The following GABPB1 variants were observed in gnomAD, a reference collection of about 807,000 sequenced individuals.
GABPB1 encodes the protein GA binding protein transcription factor subunit beta 1.
In GABPB1, 15 loss-of-function variants were observed where a neutral mutation model predicts 45.9. That is an observed-to-expected ratio of 0.33 (90% confidence interval 0.22 to 0.50). The LOEUF (loss-of-function observed/expected upper bound fraction) is 0.50. Among genes scored for constraint, GABPB1 ranks in the 20% least tolerant of loss-of-function variants. GABPB1 has a pLI of 0.98. For synonymous variants in GABPB1, 143 were observed against 154.4 expected, an observed-to-expected ratio of 0.93 and a Z score of 0.55; for missense variants, 252 against 457.5, an observed-to-expected ratio of 0.55 and a Z score of 4.10.
chr15:50,319,820 A>G lies in GABPB1; in HGVS notation c.1-10022T>C, dbSNP rs1595797436. On this transcript the variant is annotated intron_variant, in intron 1 of 8. Coordinates refer to ENST00000380877, the MANE Select transcript of GABPB1 (RefSeq NM_016654.5). Reference sequence around the variant, plus strand: ...ACCACTGCACTCCAGCCCAGGCGACAGAGTGAGACTCCGTCTCAAAAATAA... The same window carrying G: ...ACCACTGCACTCCAGCCCAGGCGACGGAGTGAGACTCCGTCTCAAAAATAA... 2.0e-5 allele frequency among the ~76,000 whole-genome samples: 3 copies of G among 152,018 alleles called. No individual in the cohort carries two copies. The South Asian group carries it at 6.3e-4, about 32-fold the overall frequency.
chr15:50,350,831 C>G (rs943663862), intron 1 of GABPB1: 3 of 152,144 alleles, frequency 2.0e-5, no homozygotes, highest in African/African-American at 7.2e-5. Context: ...AAACTTCCAC[C>G]CACTGACCCT....
intron 1 of GABPB1, among the ~76,000 whole-genome samples, chr15:50,337,540 G>T (rs2048193611): frequency 6.6e-6 from 1 of 152,040 alleles, no homozygotes; most frequent in Non-Finnish European, 1.5e-5. Flanking sequence ...GAGGCAAGCA[G>T]ATCACTTGAG....
intron 1 of GABPB1, among the ~76,000 whole-genome samples, chr15:50,340,236 C>T (rs891177664): frequency 1.1e-4 from 16 of 152,262 alleles, no homozygotes; most frequent in Admixed American, 2.6e-4. Flanking sequence ...AACTTCCCAG[C>T]GTCCAGAACT....
In GABPB1 at chr15:50,278,804, T is replaced by TG. The variant is rs1413960506; in HGVS notation, c.1000-21_1000-20insC. 1.9e-6 allele frequency: 3 copies of TG among 1,564,536 alleles called. No individual in the cohort carries two copies. The South Asian group carries it at 3.6e-5, about 19-fold the overall frequency. ...TCTCTCCTAATTAAAAGAAGAGGGTTTTTTTTTTAATTTTTGCAAAAATAC... is the reference window on the plus strand; with the variant it reads ...TCTCTCCTAATTAAAAGAAGAGGGTTGTTTTTTTTAATTTTTGCAAAAATAC... On this transcript the variant is annotated intron_variant, in intron 8 of 8. Transcript: ENST00000380877.
intron 1 of GABPB1, among the ~76,000 whole-genome samples, chr15:50,314,995 T>C (rs1453125510): frequency 6.6e-6 from 1 of 152,230 alleles, no homozygotes; most frequent in Non-Finnish European, 1.5e-5. Flanking sequence ...CACTGTGACA[T>C]CTAATGTAGT....
intron 7 of GABPB1, among the ~76,000 whole-genome samples, chr15:50,287,555 T>A (rs2046206961): frequency 6.6e-6 from 1 of 152,176 alleles, no homozygotes; most frequent in Non-Finnish European, 1.5e-5. Context: ...GTAGACCATG[T>A]GAGGACAGGC....
chr15:50,305,279 T>C (rs1319920243), intron 2 of GABPB1, among the ~76,000 whole-genome samples: 4 of 113,106 alleles, frequency 3.5e-5, no homozygotes, highest in Non-Finnish European at 6.6e-5. Context: ...TAGTCCTATC[T>C]CTCTATCTAT....
At chr15:50,339,818 T>G (rs545896377) in intron 1 of GABPB1, among the ~76,000 whole-genome samples, 5 of 152,336 alleles carry the variant, frequency 3.3e-5, no homozygotes, top group African/African-American at 1.2e-4. Flanking sequence ...ATTTGTCAGT[T>G]AGCATGTCCA....
intron 2 of GABPB1, among the ~76,000 whole-genome samples, chr15:50,305,205 T>G (rs1052849270): frequency 1.3e-5 from 2 of 152,174 alleles, no homozygotes; most frequent in Non-Finnish European, 2.9e-5. Flanking sequence ...CTAAGGAAAT[T>G]TACACATATA....
intron 1 of GABPB1, chr15:50,352,928 G>C (rs539440455): frequency 1.4e-4 from 21 of 152,262 alleles, no homozygotes; most frequent in Admixed American, 4.6e-4. Context: ...AGAAAACCCA[G>C]AATGATTCAG....
chr15:50,298,575 C>A (rs950337529), intron 6 of GABPB1, among the ~76,000 whole-genome samples: 8 of 152,260 alleles, frequency 5.3e-5, no homozygotes, highest in African/African-American at 1.9e-4. Context: ...GTGATTCATA[C>A]AAATCTTAAG....
At chr15:50,311,049 A>G (rs931119749) in intron 1 of GABPB1, among the ~76,000 whole-genome samples, 1 of 151,982 alleles carries the variant, frequency 6.6e-6, no homozygotes, top group African/African-American at 2.4e-5. Flanking sequence ...CTAATGTCCC[A>G]GCCTGGGATG....
intron 2 of GABPB1, among the ~76,000 whole-genome samples, chr15:50,304,927 T>A (rs1471975479): frequency 6.6e-6 from 1 of 152,194 alleles, no homozygotes; most frequent in African/African-American, 2.4e-5. Context: ...ATCTCAGTGA[T>A]CTTTTTAAAG....
At chr15:50,338,862 A>C (rs561698036) in intron 1 of GABPB1, among the ~76,000 whole-genome samples, 13 of 152,314 alleles carry the variant, frequency 8.5e-5, no homozygotes, top group African/African-American at 2.9e-4. Flanking sequence ...TTCAGACATC[A>C]AAAGATGTCA....
At chr15:50,336,875 CTT>C (rs1225901670) in intron 1 of GABPB1, among the ~76,000 whole-genome samples, 1 of 148,350 alleles carries the variant, frequency 6.7e-6, no homozygotes, top group Admixed American at 6.7e-5. Flanking sequence ...AGGGGGATCT[CTT>C]AAGCTCAGGA....
Position 50,286,201 on chromosome 15 carries a change from T to C in GABPB1, c.884-18A>G, listed in dbSNP as rs771065668. On this transcript the variant is annotated intron_variant, in intron 7 of 8. Coordinates refer to ENST00000380877, the MANE Select transcript of GABPB1 (RefSeq NM_016654.5). ...TGTTAATACTAAAATGAAAAAAAAATTATGTATTACTTCATTTTCAGAGAG... is the reference window on the plus strand; with the variant it reads ...TGTTAATACTAAAATGAAAAAAAAACTATGTATTACTTCATTTTCAGAGAG... The C allele has an allele frequency of 6.8e-7, 1 of 1,461,798 alleles. No homozygotes were observed. The highest frequency in any genetic ancestry group is 2.2e-5 in the Admixed American group (1 of 45,746). 90.6% of individuals were successfully genotyped at this position (1,461,798 alleles called of 1,614,324 possible).
chr15:50,301,417 T>C (rs746362237), intron 4 of GABPB1, 49 bp from the exon 5 acceptor site: 26 of 1,503,102 alleles, frequency 1.7e-5, no homozygotes, highest in Middle Eastern at 3.5e-4. Context: ...CCAGAACATA[T>C]AGCACAAATT....
At chr15:50,344,557 A>C (rs1382944537) in intron 1 of GABPB1, among the ~76,000 whole-genome samples, 1 of 152,112 alleles carries the variant, frequency 6.6e-6, no homozygotes. Context: ...GGAGCCAATA[A>C]AGAGTAAAAA....
At chr15:50,307,084 A>G (rs553660251) in intron 2 of GABPB1, among the ~76,000 whole-genome samples, 2 of 152,256 alleles carry the variant, frequency 1.3e-5, no homozygotes, top group African/African-American at 4.8e-5. Context: ...TAGTCTTAGA[A>G]GCCCAACTGC....
Sources: allele counts gnomAD v4.1 joint callset (sites outside exome capture counted in the v4.1 genomes callset), GRCh38; gene constraint gnomAD v4.1.1; transcripts MANE v1.5; gene names NCBI Gene and HGNC (gene_info 2026-07-23, HGNC 2026-07-21).